Variants in SLC25A13 observed in about 807,000 individuals in gnomAD.
The protein encoded by SLC25A13 is electrogenic aspartate/glutamate antiporter SLC25A13, mitochondrial.
In SLC25A13, 70 loss-of-function variants were observed where a neutral mutation model predicts 85.5. The observed-to-expected ratio is 0.82, with a 90% CI of 0.68 to 1.00. The LOEUF (loss-of-function observed/expected upper bound fraction) is 1.00. Ranked by LOEUF, SLC25A13 falls within the 50% of genes least tolerant of loss-of-function variation. SLC25A13 has a pLI of 0.00. For synonymous variants in SLC25A13, 259 were observed against 288.7 expected (o/e 0.90, Z 1.04); for missense variants, 765 against 819.8 (o/e 0.93, Z 0.82).
At chr7:96,136,998 A>T (rs1792314807) in intron 14 of SLC25A13, among the ~76,000 whole-genome samples, 1 of 152,212 alleles carries the variant, frequency 6.6e-6, no homozygotes, top group Non-Finnish European at 1.5e-5. Context: ...TTTGGCATGT[A>T]TAATTATATA....
At chr7:96,234,761 G>T in intron 4 of SLC25A13, 41 bp downstream of exon 4, 9 of 1,432,372 alleles carry the variant, frequency 6.3e-6, no homozygotes, top group South Asian at 1.2e-5. Flanking sequence ...GCTCACACAA[G>T]TCCACACTTA....
At chr7:96,278,880 C>T (rs1318545562) in intron 2 of SLC25A13, among the ~76,000 whole-genome samples, 1 of 152,202 alleles carries the variant, frequency 6.6e-6, no homozygotes, top group Non-Finnish European at 1.5e-5. Flanking sequence ...GGAAATATCA[C>T]TGCTAATTAC....
intron 4 of SLC25A13, among the ~76,000 whole-genome samples, chr7:96,216,945 A>C (rs1795923633): frequency 6.6e-6 from 1 of 152,198 alleles, no homozygotes; most frequent in South Asian, 2.1e-4. Context: ...AAAAAGATAA[A>C]ATAGCCTATA....
intron 1 of SLC25A13, among the ~76,000 whole-genome samples, chr7:96,311,065 T>C (rs1403238451): frequency 1.3e-5 from 2 of 152,242 alleles, no homozygotes; most frequent in Non-Finnish European, 2.9e-5. Context: ...TATACTCATA[T>C]ATAGACATAC....
intron 14 of SLC25A13, among the ~76,000 whole-genome samples, chr7:96,134,091 T>C (rs543439230): frequency 2.7e-5 from 4 of 150,504 alleles, no homozygotes; most frequent in African/African-American, 9.7e-5. Context: ...TGCAGTGGCA[T>C]GATCTCAGCT....
At chr7:96,254,821 A>G (rs1047531255) in intron 3 of SLC25A13, among the ~76,000 whole-genome samples, 1 of 152,208 alleles carries the variant, frequency 6.6e-6, no homozygotes, top group Non-Finnish European at 1.5e-5. Context: ...AAACTAATAC[A>G]AAAAAGAATG....
chr7:96,251,248 T>A lies in SLC25A13; in HGVS notation c.213-16331A>T, dbSNP rs77135109. Among the ~76,000 whole-genome samples, 128 of 151,936 alleles carry A rather than the reference T, an allele frequency of 8.4e-4. 1 individual carries two copies. The highest frequency in any genetic ancestry group is 2.9e-3 in the African/African-American group (120 of 41,398). ...GAAGACCAATGTCACCAGAACAAAG[T>A]AATTAAGGGAAAGAGCAGCAGATGA... On this transcript the variant is annotated intron_variant, in intron 3 of 17. Coordinates refer to ENST00000265631, the MANE Select transcript of SLC25A13 (RefSeq NM_014251.3).
intron 15 of SLC25A13, among the ~76,000 whole-genome samples, chr7:96,131,137 G>A (rs942065046): frequency 2.0e-5 from 3 of 152,102 alleles, no homozygotes; most frequent in African/African-American, 7.2e-5. Flanking sequence ...TTGAAAAGAA[G>A]CAGCATCAAA....
chr7:96,273,849 C>T (rs575204194), intron 3 of SLC25A13, among the ~76,000 whole-genome samples: 1 of 152,190 alleles, frequency 6.6e-6, no homozygotes, highest in African/African-American at 2.4e-5. Context: ...GAAACATGAG[C>T]CATTCTAGGA....
At chr7:96,177,288 A>G (rs1794258732) in intron 11 of SLC25A13, among the ~76,000 whole-genome samples, 1 of 152,212 alleles carries the variant, frequency 6.6e-6, no homozygotes, top group Admixed American at 6.5e-5. Context: ...GGCCCTGTAT[A>G]CTTTGGGCAA....
intron 3 of SLC25A13, among the ~76,000 whole-genome samples, chr7:96,259,774 C>G (rs1325348301): frequency 1.3e-5 from 2 of 152,118 alleles, no homozygotes; most frequent in Non-Finnish European, 2.9e-5. Flanking sequence ...TATGGCAGTA[C>G]TATTCACAAT....
intron 3 of SLC25A13, among the ~76,000 whole-genome samples, chr7:96,244,956 GTA>G (rs34956392): frequency 4.7e-4 from 70 of 147,862 alleles, no homozygotes; most frequent in Middle Eastern, 3.5e-3. Context: ...ATTGGCAAAA[GTA>G]TATATATATA....
intron 15 of SLC25A13, among the ~76,000 whole-genome samples, chr7:96,126,617 C>G (rs1025108186): frequency 6.6e-6 from 1 of 152,184 alleles, no homozygotes; most frequent in Non-Finnish European, 1.5e-5. Context: ...TAACATTCTC[C>G]AGTTCAGCCC....
At chr7:96,179,237 TTA>T (rs1794333402) in intron 11 of SLC25A13, among the ~76,000 whole-genome samples, 1 of 152,198 alleles carries the variant, frequency 6.6e-6, no homozygotes, top group Non-Finnish European at 1.5e-5. Flanking sequence ...AGGATCCTGG[TTA>T]TCTTTTCTTC....
chr7:96,260,852 A>G (rs1361467470), intron 3 of SLC25A13, among the ~76,000 whole-genome samples: 1 of 152,066 alleles, frequency 6.6e-6, no homozygotes, highest in Non-Finnish European at 1.5e-5. Context: ...CATTCTCTCA[A>G]ATCAGCCAGG....
Position 96,277,295 on chromosome 7 carries a change from T to A in SLC25A13, c.113A>T (p.Asn38Ile). Residue 38 changes from asparagine (N) to isoleucine (I), a missense_variant, in exon 3 of 18, where the codon AAT becomes ATT. Physicochemically the swap from Asn to Ile is moderately radical, Grantham distance 149. Transcript: ENST00000265631. ...GTTCAAGTATCGAGTGACAAAGTCA[T>A]TGGGGGACATGAAAAATTCACCGTT... ...EKNGEFFMSP[N>I]DFVTRYLNIF... is the part of the protein sequence containing the mutation. The A allele has an allele frequency of 6.2e-7, 1 of 1,613,090 alleles. No individual in the cohort carries two copies. Among genetic ancestry groups the A allele is most frequent in the Non-Finnish European group, 8.5e-7 (1 of 1,179,514 alleles).
At chr7:96,197,941 C>T (rs1795122346) in intron 5 of SLC25A13, among the ~76,000 whole-genome samples, 2 of 152,106 alleles carry the variant, frequency 1.3e-5, no homozygotes, top group South Asian at 4.1e-4. Flanking sequence ...TAGCACAGTA[C>T]ACAGAAGAAG....
chr7:96,309,132 A>G (rs935442195), intron 1 of SLC25A13, among the ~76,000 whole-genome samples: 5 of 152,238 alleles, frequency 3.3e-5, no homozygotes, highest in African/African-American at 1.2e-4. Flanking sequence ...AACAAAGTCA[A>G]AGAAGAGACA....
intron 1 of SLC25A13, among the ~76,000 whole-genome samples, chr7:96,317,889 C>A (rs1326024840): frequency 1.3e-5 from 2 of 150,958 alleles, no homozygotes; most frequent in African/African-American, 4.9e-5. Flanking sequence ...GCAACCTCTG[C>A]CTTCTGGGCT....
Sources: allele counts gnomAD v4.1 joint callset (sites outside exome capture counted in the v4.1 genomes callset), GRCh38; gene constraint gnomAD v4.1.1; transcripts MANE v1.5; gene names NCBI Gene and HGNC (gene_info 2026-07-23, HGNC 2026-07-21).